PTPRR: variants seen among roughly 807,000 people sequenced by gnomAD.
PTPRR encodes receptor-type tyrosine-protein phosphatase R.
PTPRR carries 38 observed loss-of-function variants against 77.2 expected under a neutral mutation model. The ratio of observed to expected loss-of-function variants is 0.49; its 90% CI spans 0.38 to 0.65. The LOEUF is 0.65. Ranked by LOEUF, PTPRR falls within the 30% of genes least tolerant of loss-of-function variation. PTPRR has a pLI of 0.00. For missense variants in PTPRR, 744 were observed against 799.2 expected (o/e 0.93, Z 0.83); for synonymous variants, 299 against 283.1 (o/e 1.06, Z -0.57).
chr12:70,754,701 C>T, intron 4 of PTPRR: 2 of 1,594,630 alleles, frequency 1.3e-6, no homozygotes, highest in Non-Finnish European at 1.7e-6. Context: ...ACGTGCTGTA[C>T]TACCTCTTTA....
chr12:70,666,883 CT>C lies in PTPRR; in HGVS notation c.1498-4279del, dbSNP rs912445276. Reference sequence around the variant, plus strand: ...AATGTACATGTTTTAAAATAAAATACTTTTTTTATGATTCTCACATTGACCA... The same window carrying C: ...AATGTACATGTTTTAAAATAAAATACTTTTTTATGATTCTCACATTGACCA... On this transcript the variant is annotated intron_variant, in intron 10 of 13. Transcript: ENST00000283228. Among the ~76,000 whole-genome samples, 8 of 124,596 alleles carry C rather than the reference CT, an allele frequency of 6.4e-5. No homozygotes were observed. The South Asian group carries it at 1.8e-3, about 28-fold the overall frequency. 81.7% of individuals were successfully genotyped at this position (124,596 alleles called of 152,430 possible).
intron 6 of PTPRR, among the ~76,000 whole-genome samples, chr12:70,743,848 A>T (rs768846371): frequency 5.3e-5 from 8 of 152,210 alleles, no homozygotes; most frequent in Non-Finnish European, 7.3e-5. Flanking sequence ...CAACATGTCC[A>T]GCAGTGGTCT....
intron 12 of PTPRR, among the ~76,000 whole-genome samples, chr12:70,659,491 A>G (rs1886715357): frequency 6.6e-6 from 1 of 152,118 alleles, no homozygotes; most frequent in Non-Finnish European, 1.5e-5. Flanking sequence ...ATCCTGAGTG[A>G]CTGGAAAAAA....
chr12:70,682,855 T>C (rs1887726469), intron 10 of PTPRR, among the ~76,000 whole-genome samples: 1 of 152,166 alleles, frequency 6.6e-6, no homozygotes, highest in South Asian at 2.1e-4. Flanking sequence ...TTCATAGAAG[T>C]GTGTTTAGTT....
chr12:70,788,749 T>G, intron 2 of PTPRR: 2 of 1,081,700 alleles, frequency 1.8e-6, no homozygotes, highest in Non-Finnish European at 2.7e-6. Flanking sequence ...TAAATCTTAA[T>G]ATTTACCCTC....
At chr12:70,752,275 C>T (rs987152168) in intron 5 of PTPRR, among the ~76,000 whole-genome samples, 4 of 152,172 alleles carry the variant, frequency 2.6e-5, no homozygotes, top group African/African-American at 7.2e-5. Context: ...AATCCACCTG[C>T]TAACCCAATA....
chr12:70,809,373 T>C (rs896295945), intron 2 of PTPRR, among the ~76,000 whole-genome samples: 5 of 151,176 alleles, frequency 3.3e-5, no homozygotes, highest in Non-Finnish European at 5.9e-5. Context: ...GTAGATTTCT[T>C]ATATGTGAGA....
intron 2 of PTPRR, among the ~76,000 whole-genome samples, chr12:70,771,165 T>A (rs1162475914): frequency 6.7e-6 from 1 of 148,600 alleles, no homozygotes; most frequent in East Asian, 2.0e-4. Context: ...AATAATAAAT[T>A]AAAAAAAAAT....
At chr12:70,838,010 A>G (rs1349205495) in intron 2 of PTPRR, among the ~76,000 whole-genome samples, 1 of 152,172 alleles carries the variant, frequency 6.6e-6, no homozygotes, top group African/African-American at 2.4e-5. Context: ...TCACAATATT[A>G]CAGTGGAATA....
intron 8 of PTPRR, among the ~76,000 whole-genome samples, chr12:70,693,082 T>G (rs1888108654): frequency 6.6e-6 from 1 of 152,180 alleles, no homozygotes; most frequent in African/African-American, 2.4e-5. Context: ...CAGTATCCAC[T>G]GATTGTTAGA....
chr12:70,806,763 C>T (rs1036387060), intron 2 of PTPRR, among the ~76,000 whole-genome samples: 28 of 152,140 alleles, frequency 1.8e-4, no homozygotes, highest in South Asian at 2.1e-4. Flanking sequence ...TTACTTATCC[C>T]AAAATCCCCA....
intron 6 of PTPRR, among the ~76,000 whole-genome samples, chr12:70,737,538 C>T (rs893638416): frequency 2.6e-5 from 4 of 151,708 alleles, no homozygotes; most frequent in African/African-American, 9.7e-5. Flanking sequence ...ATCTATCTTT[C>T]GAGACAAAGT....
At chr12:70,710,418 T>C (rs1485211552) in intron 6 of PTPRR, among the ~76,000 whole-genome samples, 1 of 152,140 alleles carries the variant, frequency 6.6e-6, no homozygotes, top group Non-Finnish European at 1.5e-5. Flanking sequence ...GCTTAAACGC[T>C]TAAATGTAAA....
At chr12:70,781,164 T>C (rs1224357211) in intron 2 of PTPRR, among the ~76,000 whole-genome samples, 2 of 152,214 alleles carry the variant, frequency 1.3e-5, no homozygotes, top group Non-Finnish European at 2.9e-5. Context: ...ACAGCTGCTA[T>C]GTCTTGGTCC....
At position 70,661,083 on chromosome 12, in the gene PTPRR, G is replaced by C; in HGVS notation, c.1623C>G (p.Thr541=). ...RNLVLKQGSH[T]QHVKHYWYTS... is the part of the protein sequence containing the mutation. ...TGTACCAGTAATGCTTCACATGTTG[G>C]GTGTGGCTTCCTTGCTGAAAATAGC... The change falls in exon 12 of 14, where the codon ACC becomes ACG. Residue 541 remains threonine (T), a synonymous_variant. Transcript: ENST00000283228. The C allele has an allele frequency of 6.2e-7, 1 of 1,610,378 alleles. No homozygotes were observed. The highest frequency in any genetic ancestry group is 1.1e-5 in the South Asian group (1 of 90,330).
chr12:70,826,330 G>A (rs1260657476), intron 2 of PTPRR, among the ~76,000 whole-genome samples: 1 of 152,204 alleles, frequency 6.6e-6, no homozygotes, highest in Non-Finnish European at 1.5e-5. Context: ...GTGAGAAGAG[G>A]GTGGGAAGGG....
rs202044442 is a variant in PTPRR at position 70,662,871 on chromosome 12, C to CA, written c.1498-267dup. Among the ~76,000 whole-genome samples, 230 of 134,512 alleles carry CA rather than the reference C, an allele frequency of 1.7e-3. 1 individual carries two copies. Among genetic ancestry groups the CA allele is most frequent in the African/African-American group, 4.5e-3 (166 of 36,754 alleles). 88.2% of individuals were successfully genotyped at this position (134,512 alleles called of 152,430 possible). On this transcript the variant is annotated intron_variant, in intron 10 of 13. Transcript: ENST00000283228. ...AAACACTGTCACTGCTGGCTCCATA[C>CA]AAAAAAAAAAGGCAGAATTACCCAA...
chr12:70,794,502 G>A (rs1891476427), intron 2 of PTPRR, among the ~76,000 whole-genome samples: 2 of 152,210 alleles, frequency 1.3e-5, no homozygotes, highest in Non-Finnish European at 2.9e-5. Flanking sequence ...ACTTGTGTCA[G>A]AACTCTGGGG....
At chr12:70,766,576 T>C (rs1283756302) in intron 2 of PTPRR, among the ~76,000 whole-genome samples, 2 of 151,922 alleles carry the variant, frequency 1.3e-5, no homozygotes, top group African/African-American at 2.4e-5. Context: ...TGGAACCAAG[T>C]TGGAAAACAC....
Sources: gnomAD v4.1 joint callset for allele counts (sites outside exome capture counted in the v4.1 genomes callset) on GRCh38, gnomAD v4.1.1 for gene constraint, MANE v1.5 for transcripts, NCBI Gene and HGNC (gene_info 2026-07-23, HGNC 2026-07-21) for gene names.